Variants in NALF1 observed in about 807,000 individuals in gnomAD.
NALF1 encodes the protein NALCN channel auxiliary factor 1.
A neutral mutation model predicts 48.4 loss-of-function variants in NALF1; 3 were observed. That is an observed-to-expected ratio of 0.06 (90% confidence interval 0.03 to 0.16). The LOEUF is 0.16. Ranked by LOEUF, NALF1 falls within the 10% of genes least tolerant of loss-of-function variation. NALF1 has a pLI of 1.00. For missense variants in NALF1, 526 were observed against 571.5 expected (o/e 0.92, Z 0.81); for synonymous variants, 262 against 245.7 (o/e 1.07, Z -0.62).
intron 1 of NALF1, among the ~76,000 whole-genome samples, chr13:107,268,114 G>C (rs956732689): frequency 2.0e-5 from 3 of 150,292 alleles, no homozygotes; most frequent in African/African-American, 7.3e-5. Context: ...CGCCTCCCAA[G>C]TAACTGGGAA....
At chr13:107,221,464 C>T (rs1284448471) in intron 1 of NALF1, among the ~76,000 whole-genome samples, 1 of 152,036 alleles carries the variant, frequency 6.6e-6, no homozygotes, top group East Asian at 1.9e-4. Flanking sequence ...CCTGTAATTC[C>T]AGCTACTTGG....
At chr13:107,283,227 G>T (rs1165968287) in intron 1 of NALF1, among the ~76,000 whole-genome samples, 1 of 151,984 alleles carries the variant, frequency 6.6e-6, no homozygotes, top group African/African-American at 2.4e-5. Flanking sequence ...ATAGGGAGAG[G>T]GTTGTAAATC....
chr13:107,680,384 C>T (rs780242023), intron 1 of NALF1, among the ~76,000 whole-genome samples: 1 of 147,782 alleles, frequency 6.8e-6, no homozygotes. Flanking sequence ...GCTCTCATGC[C>T]GGCTCTTACG....
chr13:107,511,559 C>T (rs1454991781), intron 1 of NALF1, among the ~76,000 whole-genome samples: 1 of 152,102 alleles, frequency 6.6e-6, no homozygotes, highest in Non-Finnish European at 1.5e-5. Flanking sequence ...GAGCTCAGTC[C>T]TAAGTGCCTT....
chr13:107,415,923 G>A (rs1884076864), intron 1 of NALF1, among the ~76,000 whole-genome samples: 3 of 152,074 alleles, frequency 2.0e-5, no homozygotes, highest in Admixed American at 6.6e-5. Context: ...CGATGTTGAC[G>A]ATCTACTTCC....
intron 1 of NALF1, among the ~76,000 whole-genome samples, chr13:107,544,770 GA>G (rs1219293823): frequency 6.6e-6 from 1 of 152,034 alleles, no homozygotes; most frequent in Non-Finnish European, 1.5e-5. Flanking sequence ...CCTTGAAGGA[GA>G]AAAAAAGTGG....
intron 1 of NALF1, among the ~76,000 whole-genome samples, chr13:107,751,480 T>G (rs1234108949): frequency 6.6e-6 from 1 of 152,210 alleles, no homozygotes; most frequent in Non-Finnish European, 1.5e-5. Flanking sequence ...CTTCAAAAAC[T>G]TTTATCAGTT....
At chr13:107,638,207 A>ATATATATATATATATATATATGTATGTAT (rs533265281) in intron 1 of NALF1, among the ~76,000 whole-genome samples, 2 of 142,634 alleles carry the variant, frequency 1.4e-5, no homozygotes, top group Admixed American at 7.2e-5. Context: ...ATATATATAT[A>ATATATATATATATATATATATGTATGTAT]ATTTAAGATG....
intron 1 of NALF1, among the ~76,000 whole-genome samples, chr13:107,739,820 G>A (rs1475837389): frequency 6.6e-6 from 1 of 152,110 alleles, no homozygotes; most frequent in African/African-American, 2.4e-5. Context: ...CGCATCGGTG[G>A]CAGCATCAGA....
intron 1 of NALF1, among the ~76,000 whole-genome samples, chr13:107,828,585 ATC>A (rs71779906): frequency 0.42 from 51,150 of 122,516 alleles, 12,223 homozygotes; most frequent in Non-Finnish European, 0.55. Context: ...CTATCTATCT[ATC>A]TATCTATATC....
At chr13:107,438,906 T>C (rs957921916) in intron 1 of NALF1, among the ~76,000 whole-genome samples, 4 of 147,934 alleles carry the variant, frequency 2.7e-5, no homozygotes, top group African/African-American at 5.0e-5. Flanking sequence ...CTTGACAAGG[T>C]ATGCCAGCAA....
Position 107,867,238 on chromosome 13 carries a change from C to T in NALF1, c.-642G>A, listed in dbSNP as rs1289686609. Among the ~76,000 whole-genome samples the T allele has an allele frequency of 6.6e-6, 1 of 150,956 alleles. No individual in the cohort carries two copies. Among genetic ancestry groups the T allele is most frequent in the African/African-American group, 2.4e-5 (1 of 41,182 alleles). ...GCTCCGCGCTGGCTCTCCCAGAGTC[C>T]GGAGCCTGGGCTGCCTCCGGCGGGG... On this transcript the variant is annotated 5_prime_UTR_variant, in exon 1 of 3. Coordinates refer to ENST00000375915, the MANE Select transcript of NALF1 (RefSeq NM_001080396.3). This position sits in a 1 kb window ranked among gnomAD's most constrained non-coding sequence, Gnocchi z 4.4.
At chr13:107,729,628 C>T (rs1380690617) in intron 1 of NALF1, among the ~76,000 whole-genome samples, 1 of 152,000 alleles carries the variant, frequency 6.6e-6, no homozygotes, top group Admixed American at 6.6e-5. Context: ...AGGCGCCCAC[C>T]ACCACGCCCA....
intron 1 of NALF1, among the ~76,000 whole-genome samples, chr13:107,649,067 C>T (rs1434791545): frequency 6.6e-6 from 1 of 152,116 alleles, no homozygotes; most frequent in African/African-American, 2.4e-5. Flanking sequence ...GCTCTTTTTA[C>T]ATTTTGGATA....
At chr13:107,759,985 A>T (rs1424107716) in intron 1 of NALF1, among the ~76,000 whole-genome samples, 1 of 152,126 alleles carries the variant, frequency 6.6e-6, no homozygotes, top group Non-Finnish European at 1.5e-5. Flanking sequence ...TGAAATATCT[A>T]TCTAGTAATA....
chr13:107,505,499 T>C (rs1044740504), intron 1 of NALF1, among the ~76,000 whole-genome samples: 1 of 152,114 alleles, frequency 6.6e-6, no homozygotes, highest in African/African-American at 2.4e-5. Flanking sequence ...GGCTGATTTA[T>C]ATGGAAGGAA....
chr13:107,782,706 C>A (rs1441735811), intron 1 of NALF1, among the ~76,000 whole-genome samples: 1 of 151,500 alleles, frequency 6.6e-6, no homozygotes, highest in Non-Finnish European at 1.5e-5. Context: ...TGCCCCGCCG[C>A]CCCGTCTGGG....
intron 1 of NALF1, among the ~76,000 whole-genome samples, chr13:107,299,180 T>G (rs1020902004): frequency 6.6e-6 from 1 of 152,142 alleles, no homozygotes; most frequent in African/African-American, 2.4e-5. Flanking sequence ...CAGCAGTGAA[T>G]GTTGTCCTTC....
chr13:107,319,046 G>C (rs1023161273), intron 1 of NALF1, among the ~76,000 whole-genome samples: 1 of 152,086 alleles, frequency 6.6e-6, no homozygotes, highest in Non-Finnish European at 1.5e-5. Flanking sequence ...GTTCAGTTTG[G>C]TAAGTCACAG....
Sources: allele counts gnomAD v4.1 joint callset (sites outside exome capture counted in the v4.1 genomes callset), GRCh38; gene constraint gnomAD v4.1.1; non-coding constraint Gnocchi (gnomAD v3.1); transcripts MANE v1.5; gene names NCBI Gene and HGNC (gene_info 2026-07-23, HGNC 2026-07-21).